Variants in MICAL3 observed in about 807,000 individuals in gnomAD.
The protein encoded by MICAL3 is microtubule associated monooxygenase, calponin and LIM domain containing 3.
A neutral mutation model predicts 207.4 loss-of-function variants in MICAL3; 62 were observed. The observed-to-expected ratio is 0.30, with a 90% CI of 0.24 to 0.37. The LOEUF (loss-of-function observed/expected upper bound fraction) is 0.37, where lower values mean the gene tolerates loss of function less well. MICAL3 is among the 10% of genes least tolerant of loss of function. The pLI is 1.00. For synonymous variants in MICAL3, 1,077 were observed against 1,069.3 expected (o/e 1.01, Z -0.14); for missense variants, 2,368 against 2,635.6 (o/e 0.90, Z 2.22).
intron 1 of MICAL3, among the ~76,000 whole-genome samples, chr22:17,913,123 G>C (rs1932245509): frequency 6.6e-6 from 1 of 152,136 alleles, no homozygotes; most frequent in Non-Finnish European, 1.5e-5. Flanking sequence ...GCAGGATGGA[G>C]AGGAAACATG....
chr22:17,862,589 AG>A (rs1290983736), intron 19 of MICAL3: 11 of 985,314 alleles, frequency 1.1e-5, no homozygotes, highest in Non-Finnish European at 1.3e-5. Flanking sequence ...ACTTTTCAAA[AG>A]GAAGTCTAGT....
intron 28 of MICAL3, 81 bp from the exon 29 acceptor site, chr22:17,809,018 G>A (rs896454431): frequency 2.4e-6 from 3 of 1,248,960 alleles, no homozygotes; most frequent in Middle Eastern, 3.7e-4. Flanking sequence ...CCACACGAGG[G>A]GAAACACAGG....
intron 17 of MICAL3, 96 bp from the exon 18 acceptor site, chr22:17,866,108 G>T: frequency 2.2e-6 from 2 of 900,236 alleles, no homozygotes; most frequent in Non-Finnish European, 1.8e-6. Flanking sequence ...ATCTCCTCCA[G>T]CCTCACAAGG....
rs1199067146 is a variant in MICAL3, at chr22:17,841,564, A to G, written c.2801+258T>C. 195 of 567,356 alleles carry G rather than the reference A, an allele frequency of 3.4e-4. 1 individual carries two copies. The East Asian group carries it at 5.1e-3, about 15-fold the overall frequency. 35.1% of individuals were successfully genotyped at this position (567,356 alleles called of 1,614,324 possible). The stretch of plus-strand genomic sequence containing the variant: ...GCAGAGCCTGCCACTTTCCTTCCCA[A>G]TGACAGACTTGGAGCTGGGGACATG... On this transcript the variant is annotated intron_variant, in intron 20 of 31. Transcript: ENST00000441493. The surrounding 1 kb of genome is among the most constrained non-coding windows in gnomAD (Gnocchi z 4.2).
chr22:17,971,635 C>T (rs1935417451), intron 1 of MICAL3, among the ~76,000 whole-genome samples: 1 of 152,212 alleles, frequency 6.6e-6, no homozygotes, highest in East Asian at 1.9e-4. Flanking sequence ...GAACAGAACT[C>T]CTATGTCTCC....
chr22:17,875,682 T>TTAAAAAAAAAAAAAAAAAAAAA (rs771912643), intron 16 of MICAL3: 1 of 166,254 alleles, frequency 6.0e-6, no homozygotes, highest in Non-Finnish European at 1.2e-5. Context: ...CCATGTATAG[T>TTAAAAAAAAAAAAAAAAAAAAA]AAAAAAAAAA....
chr22:17,853,404 C>T (rs1293620899), intron 19 of MICAL3, among the ~76,000 whole-genome samples: 1 of 152,240 alleles, frequency 6.6e-6, no homozygotes, highest in Non-Finnish European at 1.5e-5. Context: ...CTTGTCCTAA[C>T]CCCACAGCAG....
At chr22:17,944,061 G>T (rs529498447) in intron 1 of MICAL3, among the ~76,000 whole-genome samples, 2 of 152,098 alleles carry the variant, frequency 1.3e-5, no homozygotes, top group African/African-American at 2.4e-5. Flanking sequence ...AGTGCTCCCC[G>T]CCAAGGACAG....
chr22:17,976,579 A>AT (rs1569154175), intron 1 of MICAL3, among the ~76,000 whole-genome samples: 22 of 95,196 alleles, frequency 2.3e-4, no homozygotes, highest in African/African-American at 1.1e-3. Flanking sequence ...ATATATATAT[A>AT]TATATATATA....
chr22:17,956,536 G>T (rs1338347601), intron 1 of MICAL3, among the ~76,000 whole-genome samples: 1 of 152,214 alleles, frequency 6.6e-6, no homozygotes, highest in Non-Finnish European at 1.5e-5. Flanking sequence ...AGGTGTGGTG[G>T]TGCATGCCTG....
intron 18 of MICAL3, 92 bp downstream of exon 18, chr22:17,865,832 A>G (rs1346021361): frequency 1.0e-6 from 1 of 988,092 alleles, no homozygotes; most frequent in Non-Finnish European, 1.6e-6. Context: ...GCAAGGACGC[A>G]GGGGCATTTG....
At chr22:17,831,702 G>A (rs1362828356) in intron 21 of MICAL3, among the ~76,000 whole-genome samples, 152 bp downstream of exon 21, 1 of 152,112 alleles carries the variant, frequency 6.6e-6, no homozygotes, top group Non-Finnish European at 1.5e-5. Flanking sequence ...CCTCCCCTCT[G>A]CCCCCCATGT....
intron 1 of MICAL3, among the ~76,000 whole-genome samples, chr22:17,908,273 T>G (rs886591767): frequency 6.6e-6 from 1 of 152,176 alleles, no homozygotes; most frequent in Non-Finnish European, 1.5e-5. Flanking sequence ...TCCTTGTGTG[T>G]AAGACAAGGA....
chr22:17,807,598 TAGCCCTATA>T (rs2062001300), intron 29 of MICAL3, among the ~76,000 whole-genome samples: 1 of 152,174 alleles, frequency 6.6e-6, no homozygotes, highest in South Asian at 2.1e-4. Context: ...CATCACTGAG[TAGCCCTATA>T]AGCTGCAATT....
intron 19 of MICAL3, among the ~76,000 whole-genome samples, chr22:17,852,796 G>A (rs923530098): frequency 2.6e-5 from 4 of 152,124 alleles, no homozygotes; most frequent in Admixed American, 6.5e-5. Context: ...AATGAAGGCC[G>A]GGGCTTGGTG....
At position 17,789,471 on chromosome 22, in the gene MICAL3, G is replaced by C. The variant is rs1050331685; in HGVS notation, c.*1261C>G. ...GAATTCTCACTGGGAGGGTGAGAGT[G>C]GCAGCTCTGCTGTTGGCCTGGCCCA... On this transcript the variant is annotated 3_prime_UTR_variant, in exon 32 of 32. Transcript: ENST00000441493. 6 of 152,236 alleles carry C rather than the reference G, an allele frequency of 3.9e-5. No individual in the cohort carries two copies. Among genetic ancestry groups the C allele is most frequent in the African/African-American group, 1.4e-4 (6 of 41,460 alleles). The allele number at this position is 152,236 out of a possible 1,614,324, so 9.4% of individuals were successfully genotyped here.
chr22:17,886,105 T>C (rs867244706), intron 15 of MICAL3, 54 bp from the exon 16 acceptor site: 3 of 1,591,152 alleles, frequency 1.9e-6, no homozygotes, highest in South Asian at 1.1e-5. Context: ...GCTCCCCCCA[T>C]GCCCCTCCCT....
intron 16 of MICAL3, chr22:17,875,510 C>A: frequency 6.4e-7 from 1 of 1,556,676 alleles, no homozygotes; most frequent in Non-Finnish European, 8.7e-7. Context: ...TAAGAGAAAG[C>A]TCCCACTGGT....
Position 17,788,519 on chromosome 22 carries a change from T to G in MICAL3, c.*2213A>C, listed in dbSNP as rs1468684828. On this transcript the variant is annotated 3_prime_UTR_variant, in exon 32 of 32. Coordinates refer to ENST00000441493, the MANE Select transcript of MICAL3 (RefSeq NM_015241.3). ...CCGGGGCTGGACCGGTTTTGTGGCA[T>G]TCGAGGAGAGGTCTGGGAAAGGCCA... 6.6e-6 allele frequency: 1 copy of G among 152,290 alleles called. No homozygotes were observed. Among genetic ancestry groups the G allele is most frequent in the Non-Finnish European group, 1.5e-5 (1 of 68,062 alleles). The allele number at this position is 152,290 out of a possible 1,614,324, so 9.4% of individuals were successfully genotyped here. A position where few individuals can be genotyped will look rare whatever the true frequency, so the allele number is the denominator to read the frequency against.
Sources: allele counts gnomAD v4.1 joint callset (sites outside exome capture counted in the v4.1 genomes callset), GRCh38; gene constraint gnomAD v4.1.1; non-coding constraint Gnocchi (gnomAD v3.1); transcripts MANE v1.5; gene names NCBI Gene and HGNC (gene_info 2026-07-23, HGNC 2026-07-21).